Variants in LRRC28 observed in about 807,000 individuals in gnomAD.
LRRC28 encodes the protein leucine-rich repeat-containing protein 28.
A neutral mutation model predicts 45.7 loss-of-function variants in LRRC28; 39 were observed. The observed-to-expected ratio is 0.85, with a 90% CI of 0.66 to 1.12. The LOEUF is 1.12. Among genes scored for constraint, LRRC28 ranks in the 50% most tolerant of loss-of-function variants. The pLI, the probability that LRRC28 is intolerant of heterozygous loss-of-function variation, is 0.00. For synonymous variants in LRRC28, 206 were observed against 178.8 expected (o/e 1.15, Z -1.22); for missense variants, 435 against 438.5 (o/e 0.99, Z 0.07).
At chr15:99,287,759 A>G (rs1044419520) in intron 4 of LRRC28, 55 bp from the exon 5 acceptor site, 4 of 1,526,450 alleles carry the variant, frequency 2.6e-6, no homozygotes, top group African/African-American at 1.4e-5. Context: ...TGCTTTAAAG[A>G]TTTGATGTAA....
chr15:99,327,205 G>C (rs942948850), intron 5 of LRRC28, among the ~76,000 whole-genome samples: 1 of 152,076 alleles, frequency 6.6e-6, no homozygotes, highest in South Asian at 2.1e-4. Context: ...CTCCTGAGTA[G>C]CTGGGATTAC....
At chr15:99,284,712 C>A in intron 3 of LRRC28, 1 of 517,112 alleles carries the variant, frequency 1.9e-6, no homozygotes, top group Non-Finnish European at 3.8e-6. Context: ...TGGACTCCAC[C>A]CCCATAGGAG....
At chr15:99,341,670 T>C (rs149316104) in intron 6 of LRRC28, among the ~76,000 whole-genome samples, 1 of 152,106 alleles carries the variant, frequency 6.6e-6, no homozygotes, top group Non-Finnish European at 1.5e-5. Flanking sequence ...CTCCCAAATA[T>C]CAATTAAGAG....
chr15:99,338,203 T>C (rs1399674010), intron 6 of LRRC28: 1 of 152,212 alleles, frequency 6.6e-6, no homozygotes, highest in African/African-American at 2.4e-5. Flanking sequence ...TCTGGGGGTA[T>C]TTTTTGCCAT....
At chr15:99,258,250 T>G in intron 2 of LRRC28, 2 of 1,589,704 alleles carry the variant, frequency 1.3e-6, no homozygotes, top group Non-Finnish European at 1.7e-6. Flanking sequence ...ATAAGGTTAT[T>G]GTCACTTCAA....
chr15:99,384,715 C>T (rs1273787685), intron 9 of LRRC28: 1 of 152,188 alleles, frequency 6.6e-6, no homozygotes, highest in Admixed American at 6.5e-5. Context: ...ACCTTCTGTT[C>T]CAGTGATATT....
chr15:99,267,805 T>G (rs1333575882), intron 2 of LRRC28, among the ~76,000 whole-genome samples: 1 of 152,214 alleles, frequency 6.6e-6, no homozygotes, highest in Non-Finnish European at 1.5e-5. Context: ...TCATTGTTAC[T>G]GATTCCTTGT....
At chr15:99,307,765 G>C (rs769607257) in intron 5 of LRRC28, among the ~76,000 whole-genome samples, 1 of 152,118 alleles carries the variant, frequency 6.6e-6, no homozygotes, top group Non-Finnish European at 1.5e-5. Context: ...GTTTTAAAGC[G>C]AAACTAAAGA....
intron 5 of LRRC28, among the ~76,000 whole-genome samples, chr15:99,291,473 G>A (rs929604071): frequency 2.0e-5 from 3 of 152,080 alleles, no homozygotes; most frequent in African/African-American, 4.8e-5. Flanking sequence ...CTAAGCACAC[G>A]TCCCCTAAAT....
intron 6 of LRRC28, among the ~76,000 whole-genome samples, chr15:99,349,991 CCGGGCGCGGTGG>C (rs1956821610): frequency 1.3e-5 from 2 of 151,338 alleles, no homozygotes; most frequent in Non-Finnish European, 2.9e-5. Context: ...AAAAAATTAG[CCGGGCGCGGTGG>C]CGGGCGCCTG....
chr15:99,256,265 G>A (rs2081018878), intron 2 of LRRC28, 140 bp downstream of exon 2: 1 of 583,174 alleles, frequency 1.7e-6, no homozygotes, highest in Admixed American at 4.0e-5. Flanking sequence ...TACACACACA[G>A]GGGTTTCTCA....
intron 9 of LRRC28, among the ~76,000 whole-genome samples, chr15:99,367,499 C>G (rs1957371880): frequency 6.6e-6 from 1 of 152,212 alleles, no homozygotes; most frequent in Non-Finnish European, 1.5e-5. Context: ...GATAACTAAC[C>G]CACTCCTGTG....
chr15:99,272,093 G>A (rs574638768), intron 2 of LRRC28, among the ~76,000 whole-genome samples: 1 of 152,288 alleles, frequency 6.6e-6, no homozygotes, highest in Admixed American at 6.5e-5. Flanking sequence ...AATTCATTCT[G>A]CTTTCTTCTG....
At chr15:99,323,181 T>C (rs547600367) in intron 5 of LRRC28, among the ~76,000 whole-genome samples, 6 of 152,198 alleles carry the variant, frequency 3.9e-5, no homozygotes, top group Admixed American at 2.6e-4. Context: ...CAGTTTGATT[T>C]TGGCTCCCTG....
At chr15:99,298,136 C>T (rs1013729744) in intron 5 of LRRC28, among the ~76,000 whole-genome samples, 4 of 152,068 alleles carry the variant, frequency 2.6e-5, no homozygotes, top group African/African-American at 9.7e-5. Context: ...ACGTTGAGCT[C>T]CTTTCCAGGG....
At position 99,259,022 on chromosome 15, in the gene LRRC28, G is replaced by T. The variant is rs2081112486; in HGVS notation, c.168+2897G>T. The T allele has an allele frequency of 5.0e-6, 4 of 805,248 alleles. No individual in the cohort carries two copies. In the African/African-American group the frequency reaches 5.0e-5, roughly 10 times the overall value. The allele number at this position is 805,248 out of a possible 1,614,324, so 49.9% of individuals were successfully genotyped here. A position where few individuals can be genotyped will look rare whatever the true frequency, so the allele number is the denominator to read the frequency against. On this transcript the variant is annotated intron_variant, in intron 2 of 9. Transcript: ENST00000301981. ...GAAGAAACTTGTTCATAAAACTCTG[G>T]ACATGATCAAGAAGATTGCTGATGA... is the stretch of plus-strand genomic sequence containing the variant.
At chr15:99,324,753 C>A (rs931598301) in intron 5 of LRRC28, among the ~76,000 whole-genome samples, 2 of 152,096 alleles carry the variant, frequency 1.3e-5, no homozygotes, top group Non-Finnish European at 2.9e-5. Flanking sequence ...ACAATGCAAA[C>A]AACTGTAAAG....
chr15:99,296,220 G>C (rs902147239), intron 5 of LRRC28, among the ~76,000 whole-genome samples: 6 of 152,200 alleles, frequency 3.9e-5, no homozygotes, highest in African/African-American at 1.4e-4. Flanking sequence ...CTCCATATTT[G>C]AATTCCCTGT....
At chr15:99,284,780 A>C in intron 3 of LRRC28, 2 of 532,290 alleles carry the variant, frequency 3.8e-6, no homozygotes, top group South Asian at 1.4e-5. Flanking sequence ...AAGACTGACT[A>C]TTGCAATTGT....
Sources: gnomAD v4.1 joint callset for allele counts (sites outside exome capture counted in the v4.1 genomes callset) on GRCh38, gnomAD v4.1.1 for gene constraint, MANE v1.5 for transcripts, NCBI Gene and HGNC (gene_info 2026-07-23, HGNC 2026-07-21) for gene names.